PCDH15: variants seen among roughly 807,000 people sequenced by gnomAD.
PCDH15 encodes the protein protocadherin related 15, also known as protocadherin-15.
In PCDH15, 129 loss-of-function variants were observed where a neutral mutation model predicts 178.5. That is an observed-to-expected ratio of 0.72 (90% CI 0.63 to 0.84). PCDH15 has a LOEUF of 0.84. Ranked by LOEUF, PCDH15 falls within the 40% of genes least tolerant of loss-of-function variation. The pLI is 0.00. For missense variants in PCDH15, 2,230 were observed against 2,099.9 expected, an observed-to-expected ratio of 1.06 and a Z score of -1.21; for synonymous variants, 800 against 732.0, an observed-to-expected ratio of 1.09 and a Z score of -1.50.
At chr10:54,252,171 C>A (rs553868737) in intron 8 of PCDH15, among the ~76,000 whole-genome samples, 2 of 152,246 alleles carry the variant, frequency 1.3e-5, no homozygotes, top group African/African-American at 4.8e-5. Context: ...TGCTTTCTTA[C>A]ACTAGTCTTG....
At chr10:53,807,657 TACTTG>T (rs1192214022) in intron 37 of PCDH15, among the ~76,000 whole-genome samples, 4 of 151,122 alleles carry the variant, frequency 2.6e-5, no homozygotes, top group Non-Finnish European at 3.0e-5. Context: ...AGCATTTATT[TACTTG>T]ACTTTACTTA....
intron 9 of PCDH15, among the ~76,000 whole-genome samples, chr10:54,231,822 T>C (rs1474062614): frequency 6.6e-6 from 1 of 152,222 alleles, no homozygotes; most frequent in Non-Finnish European, 1.5e-5. Context: ...ATGGGGACTG[T>C]AGACCCTTTG....
chr10:53,851,346 G>C (rs906058170), intron 28 of PCDH15, among the ~76,000 whole-genome samples: 2 of 151,228 alleles, frequency 1.3e-5, no homozygotes, highest in African/African-American at 4.9e-5. Flanking sequence ...TTATGCAATC[G>C]AATAGAAGCT....
intron 1 of PCDH15, among the ~76,000 whole-genome samples, chr10:54,781,840 T>C (rs1202165607): frequency 1.3e-5 from 2 of 152,126 alleles, no homozygotes; most frequent in African/African-American, 4.8e-5. Context: ...TAGGAAGACA[T>C]ATTTCAAACA....
intron 20 of PCDH15, among the ~76,000 whole-genome samples, chr10:54,004,525 C>A (rs1190838809): frequency 6.6e-6 from 1 of 151,712 alleles, no homozygotes; most frequent in Non-Finnish European, 1.5e-5. Context: ...AGTGAACAAT[C>A]CGCAAAAGAA....
intron 18 of PCDH15, among the ~76,000 whole-genome samples, chr10:54,061,576 C>G (rs1476969324): frequency 1.3e-5 from 2 of 151,578 alleles, no homozygotes; most frequent in Non-Finnish European, 2.9e-5. Context: ...TGAAAAGAAC[C>G]AAGAATAATC....
intron 2 of PCDH15, among the ~76,000 whole-genome samples, chr10:54,554,860 A>C (rs1052856428): frequency 6.6e-6 from 1 of 152,204 alleles, no homozygotes; most frequent in Non-Finnish European, 1.5e-5. Context: ...ATAAAAACAG[A>C]ATAAGCCTCT....
chr10:55,609,570 G>C (rs922857376), intron 2 of PCDH15, among the ~76,000 whole-genome samples: 1 of 151,806 alleles, frequency 6.6e-6, no homozygotes, highest in Non-Finnish European at 1.5e-5. Context: ...AAAATGAAAG[G>C]CCTCTTCATT....
intron 2 of PCDH15, among the ~76,000 whole-genome samples, chr10:55,558,118 C>T (rs945190789): frequency 2.0e-5 from 3 of 151,966 alleles, no homozygotes; most frequent in African/African-American, 7.3e-5. Flanking sequence ...AGTGAAGAGA[C>T]TGTGGTAGCA....
chr10:54,148,357 T>C (rs1025636902), intron 14 of PCDH15, among the ~76,000 whole-genome samples: 2 of 152,008 alleles, frequency 1.3e-5, no homozygotes, highest in Non-Finnish European at 2.9e-5. Flanking sequence ...TGATAGAAAA[T>C]GAGACAGTAT....
chr10:53,974,597 ATAGT>A (rs1181487678), intron 21 of PCDH15, among the ~76,000 whole-genome samples: 1 of 152,072 alleles, frequency 6.6e-6, no homozygotes, highest in African/African-American at 2.4e-5. Flanking sequence ...TAAAGGTTTG[ATAGT>A]TAATCACTCT....
In PCDH15 at chr10:54,999,190, A is replaced by G. The variant is rs574976480; in HGVS notation, c.-79-101690T>C. Reference sequence around the variant, plus strand: ...CAAAAGTCCCTAAGTTACCTTTGTCAAGCCTCCCAAAATTGATAGGACAAC... The same window carrying G: ...CAAAAGTCCCTAAGTTACCTTTGTCGAGCCTCCCAAAATTGATAGGACAAC... On this transcript the variant is annotated intron_variant, in intron 2 of 5. Transcript: ENST00000458638. Among the ~76,000 whole-genome samples the G allele has an allele frequency of 2.6e-5, 4 of 152,274 alleles. No homozygotes were observed. The South Asian group carries it at 8.3e-4, about 32-fold the overall frequency.
At chr10:54,769,454 T>C (rs546952289) in intron 1 of PCDH15, among the ~76,000 whole-genome samples, 1 of 151,916 alleles carries the variant, frequency 6.6e-6, no homozygotes, top group Non-Finnish European at 1.5e-5. Flanking sequence ...TTTTTTTTTT[T>C]TCAAAAATTA....
intron 3 of PCDH15, among the ~76,000 whole-genome samples, chr10:54,506,799 T>A (rs1424372664): frequency 1.3e-5 from 2 of 151,952 alleles, no homozygotes; most frequent in Non-Finnish European, 2.9e-5. Flanking sequence ...GACAAAAAAA[T>A]GAAAGAAGAA....
At chr10:54,971,330 G>GTCCT (rs1000627343) in intron 2 of PCDH15, among the ~76,000 whole-genome samples, 1 of 152,048 alleles carries the variant, frequency 6.6e-6, no homozygotes, top group Non-Finnish European at 1.5e-5. Context: ...GGGTCCTTTT[G>GTCCT]TCCTTCCATC....
chr10:54,327,876 G>A (rs888124082), intron 7 of PCDH15, among the ~76,000 whole-genome samples: 1 of 151,972 alleles, frequency 6.6e-6, no homozygotes, highest in Admixed American at 6.6e-5. Flanking sequence ...TGAGAGGAAG[G>A]TATATACACC....
At chr10:54,065,950 C>A (rs1287769349) in intron 18 of PCDH15, among the ~76,000 whole-genome samples, 1 of 152,178 alleles carries the variant, frequency 6.6e-6, no homozygotes, top group Non-Finnish European at 1.5e-5. Context: ...CACCAGCACG[C>A]CTTCTGTGGA....
chr10:55,582,628 A>T (rs5007774), intron 2 of PCDH15, among the ~76,000 whole-genome samples: 35,917 of 67,960 alleles, frequency 0.53, 9,221 homozygotes, highest in East Asian at 0.74. Context: ...ATATATATAT[A>T]TTTTTTTTTT....
chr10:55,472,203 C>G (rs1589058711), intron 2 of PCDH15, among the ~76,000 whole-genome samples: 1 of 152,076 alleles, frequency 6.6e-6, no homozygotes, highest in African/African-American at 2.4e-5. Flanking sequence ...TTTTTAATCT[C>G]TGCTTTTAAA....
Sources: gnomAD v4.1 joint callset for allele counts (sites outside exome capture counted in the v4.1 genomes callset) on GRCh38, gnomAD v4.1.1 for gene constraint, MANE v1.5 for transcripts, NCBI Gene and HGNC (gene_info 2026-07-23, HGNC 2026-07-21) for gene names.